The following NAV2 variants were observed in gnomAD, a reference collection of about 807,000 sequenced individuals.
NAV2 encodes the protein neuron navigator 2.
In NAV2, 54 loss-of-function variants were observed where a neutral mutation model predicts 223.2. The ratio of observed to expected loss-of-function variants is 0.24; its 90% confidence interval spans 0.19 to 0.30. The LOEUF (loss-of-function observed/expected upper bound fraction) is 0.30. Ranked by LOEUF, NAV2 falls within the 10% of genes least tolerant of loss-of-function variation. The probability of loss-of-function intolerance (pLI) is 1.00; values close to 1 mark genes in which losing one functional copy is unlikely to be tolerated. For synonymous variants in NAV2, 1,279 were observed against 1,239.3 expected, an observed-to-expected ratio of 1.03 and a Z score of -0.67; for missense variants, 2,806 against 3,147.5, an observed-to-expected ratio of 0.89 and a Z score of 2.60.
intron 10 of NAV2, among the ~76,000 whole-genome samples, chr11:19,964,249 G>A (rs889239520): frequency 5.9e-5 from 9 of 152,202 alleles, no homozygotes; most frequent in Middle Eastern, 3.4e-3. Flanking sequence ...AAGCTGACAC[G>A]GACGTTACAG....
rs769778890 is a variant in NAV2, at chr11:20,044,169, C to T, written c.3096C>T (p.Ser1032=). 3.1e-6 allele frequency: 5 copies of T among 1,614,180 alleles called. No homozygotes were observed. The highest frequency in any genetic ancestry group is 3.3e-5 in the Admixed American group (2 of 60,030). ...CGGGCAAGAAGAATCCTGTCATCTC[C>T]CAGACAGGCTCATGGCGGCGAGGCA... ...STSGKKNPVI[S]QTGSWRRGMT... is the part of the protein sequence containing the mutation. Residue 1032 remains serine (S), a synonymous_variant, in exon 13 of 38, where the codon TCC becomes TCT. Coordinates refer to ENST00000349880, the MANE Select transcript of NAV2 (RefSeq NM_145117.5).
intron 1 of NAV2, among the ~76,000 whole-genome samples, chr11:19,438,823 C>T (rs989974335): frequency 6.6e-6 from 1 of 152,128 alleles, no homozygotes; most frequent in Admixed American, 6.5e-5. Context: ...GTGCCACCCT[C>T]CTGGCATGTG....
rs568867137 is a variant in NAV2, at chr11:19,752,796, GTGGTTATTCTCA to G, written c.267+38844_267+38855del. Among the ~76,000 whole-genome samples the G allele has an allele frequency of 2.0e-4, 31 of 152,258 alleles. 1 individual carries two copies. In the South Asian group the frequency reaches 5.8e-3, roughly 29 times the overall value. On this transcript the variant is annotated intron_variant, in intron 1 of 37. Coordinates refer to ENST00000349880, the MANE Select transcript of NAV2 (RefSeq NM_145117.5). Reference sequence around the variant, plus strand: ...CTCATTGGTAAGTATTAGACAAACAGTGGTTATTCTCATGGTTATTCACTTCAATCATTGTAA... The same window carrying G: ...CTCATTGGTAAGTATTAGACAAACAGTGGTTATTCACTTCAATCATTGTAA...
At chr11:19,429,348 C>A (rs1169258012) in intron 1 of NAV2, among the ~76,000 whole-genome samples, 1 of 152,186 alleles carries the variant, frequency 6.6e-6, no homozygotes, top group Non-Finnish European at 1.5e-5. Context: ...GTTAACCAAT[C>A]AATAAAGCCT....
chr11:20,071,146 C>T (rs1181722892), intron 22 of NAV2, among the ~76,000 whole-genome samples: 1 of 148,122 alleles, frequency 6.8e-6, no homozygotes, highest in Non-Finnish European at 1.5e-5. Context: ...TGATGTTCCC[C>T]TCCATGTATC....
chr11:19,987,565 C>T (rs1232972153), intron 11 of NAV2, among the ~76,000 whole-genome samples: 1 of 152,202 alleles, frequency 6.6e-6, no homozygotes, highest in Non-Finnish European at 1.5e-5. Flanking sequence ...GCTGGCCTAC[C>T]AGGCAGAACT....
At chr11:19,716,038 C>T (rs892360264) in intron 1 of NAV2, among the ~76,000 whole-genome samples, 9 of 150,946 alleles carry the variant, frequency 6.0e-5, no homozygotes, top group African/African-American at 2.2e-4. Context: ...CCACAGTCTG[C>T]CTGATAGGGT....
intron 1 of NAV2, among the ~76,000 whole-genome samples, chr11:19,407,240 G>A (rs1265969848): frequency 2.0e-5 from 3 of 152,194 alleles, no homozygotes; most frequent in African/African-American, 2.4e-5. Context: ...AAACAAGGCA[G>A]CCCCTGCCTC....
chr11:19,433,492 A>T (rs1590195726), intron 1 of NAV2, among the ~76,000 whole-genome samples: 1 of 152,248 alleles, frequency 6.6e-6, no homozygotes, highest in Non-Finnish European at 1.5e-5. Context: ...AAAAGGAGGA[A>T]ATGAAACTTG....
chr11:19,720,379 T>G (rs1033312462), intron 1 of NAV2, among the ~76,000 whole-genome samples: 1 of 152,230 alleles, frequency 6.6e-6, no homozygotes, highest in African/African-American at 2.4e-5. Flanking sequence ...AGAGAATGAC[T>G]CATGGCTTAG....
At chr11:19,679,436 A>AAAAAAAAAAAAAAAACAC (rs1470340544) in intron 1 of NAV2, among the ~76,000 whole-genome samples, 34 of 151,830 alleles carry the variant, frequency 2.2e-4, no homozygotes, top group African/African-American at 8.0e-4. Flanking sequence ...GTCTCAAAAA[A>AAAAAAAAAAAAAAAACAC]ACACAAAAAG....
intron 36 of NAV2, among the ~76,000 whole-genome samples, chr11:20,112,358 G>A (rs567228354): frequency 3.3e-5 from 5 of 152,302 alleles, no homozygotes; most frequent in Admixed American, 2.6e-4. Flanking sequence ...GGGCCAGAGC[G>A]CAGGACGGGA....
intron 35 of NAV2, among the ~76,000 whole-genome samples, chr11:20,106,213 ATATAT>A (rs2062080193): frequency 1.1e-5 from 1 of 94,248 alleles, no homozygotes; most frequent in Admixed American, 1.1e-4. Context: ...ATATATATAT[ATATAT>A]ATATATATAT....
At chr11:19,907,614 A>G (rs1475710733) in intron 6 of NAV2, among the ~76,000 whole-genome samples, 1 of 152,174 alleles carries the variant, frequency 6.6e-6, no homozygotes. Context: ...CCTTTTTTAT[A>G]AATTGGCTAA....
chr11:19,917,124 G>A (rs1053355862), intron 6 of NAV2, among the ~76,000 whole-genome samples: 1 of 152,194 alleles, frequency 6.6e-6, no homozygotes, highest in Non-Finnish European at 1.5e-5. Flanking sequence ...GATGCTTCAA[G>A]AACCTACCTG....
intron 6 of NAV2, 84 bp downstream of exon 6, chr11:19,892,678 C>A: frequency 1.4e-6 from 2 of 1,441,116 alleles, no homozygotes; most frequent in South Asian, 2.9e-5. Flanking sequence ...TGGGTTGGGT[C>A]ATGGGGAGGG....
rs184650545 is a variant in NAV2 at position 19,772,282 on chromosome 11, A to G, written c.267+58320A>G. On this transcript the variant is annotated intron_variant, in intron 1 of 37. Coordinates refer to ENST00000349880, the MANE Select transcript of NAV2 (RefSeq NM_145117.5). The stretch of plus-strand genomic sequence containing the variant: ...GCATTTCTGGGGTTTCATTTCCTGC[A>G]TGTAATATGACAGTAATGCAGACAA... 9.8e-4 allele frequency among the ~76,000 whole-genome samples: 149 copies of G among 152,312 alleles called. 2 individuals carry two copies. The East Asian group carries it at 0.021, about 22-fold the overall frequency.
At chr11:19,792,780 T>C (rs976065041) in intron 1 of NAV2, among the ~76,000 whole-genome samples, 5 of 152,128 alleles carry the variant, frequency 3.3e-5, no homozygotes, top group Admixed American at 2.6e-4. Context: ...ACATTCTTCC[T>C]TGGAAGTTAC....
rs150119037 is a variant in NAV2, at chr11:19,939,678, A to C, written c.2051A>C (p.Glu684Ala). The C allele has an allele frequency of 1.9e-3, 3,142 of 1,613,990 alleles. 10 individuals carry two copies. Among genetic ancestry groups the C allele is most frequent in the Non-Finnish European group, 2.5e-3 (2,978 of 1,179,976 alleles). The change falls in exon 8 of 38, where the codon GAA (glutamate) becomes GCA (alanine). Residue 684 changes from glutamate to alanine, a missense_variant. By Grantham distance (107) the Glu-to-Ala change is moderately radical. Transcript: ENST00000349880. ...GTGTGAAGGTCTCAGACGGACACTGAAGGGAATGTTACTGCCGAGTCAAGC... is the reference window on the plus strand; with the variant it reads ...GTGTGAAGGTCTCAGACGGACACTGCAGGGAATGTTACTGCCGAGTCAAGC... Reference protein sequence around the residue: ...PFLYRSQTDTEGNVTAESSST... With the variant: ...PFLYRSQTDTAGNVTAESSST...
Sources: gnomAD v4.1 joint callset for allele counts (sites outside exome capture counted in the v4.1 genomes callset) on GRCh38, gnomAD v4.1.1 for gene constraint, MANE v1.5 for transcripts, NCBI Gene and HGNC (gene_info 2026-07-23, HGNC 2026-07-21) for gene names.